KIAA0825: variants seen among roughly 807,000 people sequenced by gnomAD.
KIAA0825 encodes the protein uncharacterized protein KIAA0825.
A neutral mutation model predicts 147.6 loss-of-function variants in KIAA0825; 119 were observed. That is an observed-to-expected ratio of 0.81 (90% CI 0.69 to 0.94). The LOEUF is 0.94. Ranked by LOEUF, KIAA0825 falls within the 40% of genes least tolerant of loss-of-function variation. KIAA0825 has a pLI of 0.00. For synonymous variants in KIAA0825, 470 were observed against 518.1 expected, an observed-to-expected ratio of 0.91 and a Z score of 1.26; for missense variants, 1,381 against 1,472.7, an observed-to-expected ratio of 0.94 and a Z score of 1.02.
chr5:94,423,438 T>C (rs191904648), intron 14 of KIAA0825, among the ~76,000 whole-genome samples: 122 of 152,298 alleles, frequency 8.0e-4, no homozygotes, highest in Middle Eastern at 6.8e-3. Flanking sequence ...AACTTGTTAG[T>C]GCTTCAAAAG....
At chr5:94,473,005 A>G (rs1761412065) in intron 8 of KIAA0825, among the ~76,000 whole-genome samples, 1 of 152,144 alleles carries the variant, frequency 6.6e-6, no homozygotes. Context: ...ATTCAAACGT[A>G]TAATCAAAAC....
chr5:94,499,228 G>C (rs1764738840), intron 5 of KIAA0825, among the ~76,000 whole-genome samples: 1 of 152,190 alleles, frequency 6.6e-6, no homozygotes, highest in East Asian at 1.9e-4. Flanking sequence ...CAGGATGAAA[G>C]AAGCCAGAAG....
chr5:94,209,696 G>GC (rs1360394592), intron 20 of KIAA0825, among the ~76,000 whole-genome samples: 1 of 152,104 alleles, frequency 6.6e-6, no homozygotes, highest in Non-Finnish European at 1.5e-5. Flanking sequence ...CTAGAATCCT[G>GC]CAGTAGACAT....
At chr5:94,446,536 GA>G (rs1221120787) in intron 13 of KIAA0825, among the ~76,000 whole-genome samples, 1 of 152,092 alleles carries the variant, frequency 6.6e-6, no homozygotes, top group Non-Finnish European at 1.5e-5. Context: ...TAGTGAAAGG[GA>G]AAAGCATATG....
chr5:94,335,138 T>G (rs1056074219), intron 20 of KIAA0825, among the ~76,000 whole-genome samples: 2 of 152,160 alleles, frequency 1.3e-5, no homozygotes, highest in African/African-American at 4.8e-5. Flanking sequence ...TCTTCTAAAA[T>G]AAAAATAGCT....
At chr5:94,421,430 A>G (rs1754171358) in intron 14 of KIAA0825, among the ~76,000 whole-genome samples, 1 of 152,062 alleles carries the variant, frequency 6.6e-6, no homozygotes, top group Non-Finnish European at 1.5e-5. Flanking sequence ...TCTGGCTCTG[A>G]CCTTTCTCTT....
chr5:94,334,884 G>A (rs1255718971), intron 20 of KIAA0825, among the ~76,000 whole-genome samples: 3 of 152,088 alleles, frequency 2.0e-5, no homozygotes, highest in Non-Finnish European at 4.4e-5. Context: ...TTTAATTTTG[G>A]CATGTAATTC....
intron 15 of KIAA0825, among the ~76,000 whole-genome samples, chr5:94,406,676 G>A (rs544568406): frequency 4.6e-5 from 7 of 152,318 alleles, no homozygotes; most frequent in Non-Finnish European, 8.8e-5. Flanking sequence ...AAAATCAGCT[G>A]AATCTTGGTA....
intron 20 of KIAA0825, among the ~76,000 whole-genome samples, chr5:94,345,922 G>A (rs1315154110): frequency 6.6e-6 from 1 of 152,118 alleles, no homozygotes; most frequent in Non-Finnish European, 1.5e-5. Context: ...GGGGGTACGT[G>A]ACTGGGGGCT....
chr5:94,322,158 G>T (rs984308440), intron 20 of KIAA0825, among the ~76,000 whole-genome samples: 1 of 151,790 alleles, frequency 6.6e-6, no homozygotes, highest in African/African-American at 2.4e-5. Flanking sequence ...AGAAACCAAA[G>T]AAATTAAAAA....
intron 2 of KIAA0825, among the ~76,000 whole-genome samples, chr5:94,554,047 G>C (rs1355878702): frequency 6.6e-6 from 1 of 152,174 alleles, no homozygotes; most frequent in Non-Finnish European, 1.5e-5. Context: ...AGAATCTACA[G>C]CTTAGCAAGA....
chr5:94,484,229 T>C (rs1414551047), intron 6 of KIAA0825, among the ~76,000 whole-genome samples: 1 of 151,826 alleles, frequency 6.6e-6, no homozygotes, highest in Non-Finnish European at 1.5e-5. Context: ...TATGATATAC[T>C]AGACATTTTC....
chr5:94,191,241 AC>A (rs1770653421), intron 20 of KIAA0825, among the ~76,000 whole-genome samples: 1 of 152,188 alleles, frequency 6.6e-6, no homozygotes, highest in African/African-American at 2.4e-5. Flanking sequence ...TATAATAAAA[AC>A]AAAAATATTC....
intron 20 of KIAA0825, among the ~76,000 whole-genome samples, chr5:94,187,477 A>G (rs1770247084): frequency 7.4e-6 from 1 of 135,430 alleles, no homozygotes; most frequent in South Asian, 2.5e-4. Context: ...CCCAGGCTGG[A>G]GTGCAGTAGC....
At chr5:94,255,927 T>C (rs554645155) in intron 20 of KIAA0825, among the ~76,000 whole-genome samples, 8 of 151,974 alleles carry the variant, frequency 5.3e-5, no homozygotes, top group Middle Eastern at 3.4e-3. Flanking sequence ...TTACCTAGGC[T>C]TGTCTTGAAG....
At chr5:94,470,994 C>T (rs1380745329) in intron 9 of KIAA0825, among the ~76,000 whole-genome samples, 1 of 152,144 alleles carries the variant, frequency 6.6e-6, no homozygotes, top group Non-Finnish European at 1.5e-5. Flanking sequence ...CCAGATGCTT[C>T]CTCTTCAAAT....
chr5:94,458,322 C>T (rs993951542), intron 12 of KIAA0825, among the ~76,000 whole-genome samples: 5 of 152,064 alleles, frequency 3.3e-5, no homozygotes, highest in African/African-American at 1.2e-4. Context: ...ATGGTAAATA[C>T]ATGGTAAAAC....
At chr5:94,210,851 G>A (rs986381904) in intron 20 of KIAA0825, among the ~76,000 whole-genome samples, 3 of 152,188 alleles carry the variant, frequency 2.0e-5, no homozygotes, top group African/African-American at 7.2e-5. Flanking sequence ...TTTGCCTGGA[G>A]TATAATGACA....
At chr5:94,407,118 A>G (rs571164434) in intron 15 of KIAA0825, among the ~76,000 whole-genome samples, 2 of 152,290 alleles carry the variant, frequency 1.3e-5, no homozygotes, top group African/African-American at 4.8e-5. Flanking sequence ...AGTGGGGAGG[A>G]ATTTTGAATA....
Sources: gnomAD v4.1 joint callset for allele counts (sites outside exome capture counted in the v4.1 genomes callset) on GRCh38, gnomAD v4.1.1 for gene constraint, MANE v1.5 for transcripts, NCBI Gene and HGNC (gene_info 2026-07-23, HGNC 2026-07-21) for gene names.